PRELID2: variants seen among roughly 807,000 people sequenced by gnomAD.
The protein encoded by PRELID2 is PRELI domain containing 2, also known as PRELI domain-containing protein 2.
In PRELID2, 25 loss-of-function variants were observed where a neutral mutation model predicts 28.4. The observed-to-expected ratio is 0.88, with a 90% CI of 0.64 to 1.23. PRELID2 has a LOEUF of 1.23. Ranked by LOEUF, PRELID2 falls within the 50% of genes most tolerant of loss-of-function variation. The pLI is 0.00. For synonymous variants in PRELID2, 76 were observed against 71.6 expected, an observed-to-expected ratio of 1.06 and a Z score of -0.31; for missense variants, 201 against 214.4, an observed-to-expected ratio of 0.94 and a Z score of 0.39.
the PRELID2 span, among the ~76,000 whole-genome samples, chr5:145,332,637 C>T: frequency 6.6e-6 from 1 of 152,014 alleles, no homozygotes; most frequent in Non-Finnish European, 1.5e-5. Flanking sequence ...ATGTTCTTCT[C>T]TAAACTGGTT....
At chr5:145,530,655 A>G (rs1274296579) in intron 1 of PRELID2, among the ~76,000 whole-genome samples, 2 of 152,074 alleles carry the variant, frequency 1.3e-5, no homozygotes, top group African/African-American at 4.8e-5. Context: ...ACCAAACAGT[A>G]GGCTAAGAAA....
the PRELID2 span, among the ~76,000 whole-genome samples, chr5:145,387,392 A>G: frequency 6.6e-6 from 1 of 152,134 alleles, no homozygotes; most frequent in Admixed American, 6.6e-5. Context: ...AGTATGCCAG[A>G]AGAAGTGAGG....
intron 1 of PRELID2, among the ~76,000 whole-genome samples, chr5:145,832,541 T>C (rs1396342984): frequency 1.3e-5 from 2 of 152,152 alleles, no homozygotes; most frequent in Non-Finnish European, 2.9e-5. Flanking sequence ...GTGCCTATTA[T>C]ATGCAATGCA....
At chr5:145,671,518 T>C (rs1304478334) in intron 1 of PRELID2, among the ~76,000 whole-genome samples, 1 of 152,212 alleles carries the variant, frequency 6.6e-6, no homozygotes, top group African/African-American at 2.4e-5. Flanking sequence ...CAGTTTTGAA[T>C]GTTTGCATAT....
intron 5 of PRELID2, chr5:145,795,844 T>C (rs1017631902): frequency 2.6e-5 from 4 of 152,100 alleles, no homozygotes; most frequent in Non-Finnish European, 5.9e-5. Flanking sequence ...AGAGGACAGA[T>C]TAAAATGGAA....
At chr5:145,724,966 C>T (rs1490600647) in intron 1 of PRELID2, among the ~76,000 whole-genome samples, 1 of 151,674 alleles carries the variant, frequency 6.6e-6, no homozygotes, top group Non-Finnish European at 1.5e-5. Flanking sequence ...TGGTCTCATA[C>T]TCCTGGACCA....
intron 4 of PRELID2, among the ~76,000 whole-genome samples, chr5:145,798,583 T>C (rs1282543578): frequency 6.6e-6 from 1 of 152,182 alleles, no homozygotes; most frequent in African/African-American, 2.4e-5. Flanking sequence ...CATATGCTTA[T>C]TGCAGCACTA....
intron 1 of PRELID2, among the ~76,000 whole-genome samples, chr5:145,619,385 C>T (rs901006476): frequency 1.7e-4 from 26 of 152,244 alleles, no homozygotes; most frequent in African/African-American, 6.0e-4. Flanking sequence ...TCCACTGCTT[C>T]CTCTACCCCT....
chr5:145,740,626 A>ATATATATT (rs1756655243), intron 1 of PRELID2, among the ~76,000 whole-genome samples: 1 of 14,450 alleles, frequency 6.9e-5, no homozygotes, highest in Admixed American at 1.4e-3. Context: ...ATATATATAT[A>ATATATATT]TTATATATAT....
chr5:145,711,602 G>A (rs1199228979), intron 1 of PRELID2, among the ~76,000 whole-genome samples: 1 of 152,148 alleles, frequency 6.6e-6, no homozygotes, highest in Non-Finnish European at 1.5e-5. Flanking sequence ...GGGACAGAGT[G>A]GAGAGCTGTG....
At chr5:145,658,070 G>T (rs1754426446) in intron 1 of PRELID2, among the ~76,000 whole-genome samples, 1 of 152,170 alleles carries the variant, frequency 6.6e-6, no homozygotes. Flanking sequence ...CCTCTTGTGT[G>T]CCTGGCAATG....
intron 5 of PRELID2, among the ~76,000 whole-genome samples, chr5:145,792,013 C>T (rs955233173): frequency 1.3e-5 from 2 of 152,126 alleles, no homozygotes; most frequent in African/African-American, 2.4e-5. Context: ...AGTAGCATGG[C>T]CGCATTCCTC....
chr5:145,478,305 T>A (rs773370597), intron 1 of PRELID2, among the ~76,000 whole-genome samples: 1 of 152,072 alleles, frequency 6.6e-6, no homozygotes, highest in Non-Finnish European at 1.5e-5. Context: ...CCCAGCACTT[T>A]GGGAGGCAGA....
the PRELID2 span, among the ~76,000 whole-genome samples, chr5:145,294,561 CTG>C: frequency 6.6e-6 from 1 of 152,130 alleles, no homozygotes; most frequent in Non-Finnish European, 1.5e-5. Context: ...ACAATAAGGG[CTG>C]TGTTTCCTAT....
chr5:145,524,784 G>C (rs1350922585), intron 1 of PRELID2, among the ~76,000 whole-genome samples: 1 of 152,162 alleles, frequency 6.6e-6, no homozygotes, highest in Non-Finnish European at 1.5e-5. Context: ...CATAGGATTT[G>C]AGCAGCAATT....
At chr5:145,316,664 C>T in the PRELID2 span, among the ~76,000 whole-genome samples, 1 of 152,110 alleles carries the variant, frequency 6.6e-6, no homozygotes, top group East Asian at 1.9e-4. Context: ...TGAACTTAGG[C>T]CTAGATCTGA....
chr5:145,800,370 C>T (rs573921406), intron 4 of PRELID2, among the ~76,000 whole-genome samples: 6 of 151,298 alleles, frequency 4.0e-5, no homozygotes, highest in South Asian at 2.1e-4. Context: ...AAATACCTTC[C>T]GTCTAAGCAG....
At chr5:145,569,053 G>A (rs887651937) in intron 1 of PRELID2, among the ~76,000 whole-genome samples, 1 of 152,158 alleles carries the variant, frequency 6.6e-6, no homozygotes, top group African/African-American at 2.4e-5. Context: ...TTTTACAAAG[G>A]TTATCAATTA....
intron 1 of PRELID2, among the ~76,000 whole-genome samples, chr5:145,645,111 G>A (rs1042813410): frequency 3.3e-5 from 5 of 152,062 alleles, no homozygotes; most frequent in Non-Finnish European, 7.4e-5. Flanking sequence ...TATTGACAGT[G>A]GGGTGTTAAA....
Sources: gnomAD v4.1 joint callset for allele counts (sites outside exome capture counted in the v4.1 genomes callset) on GRCh38, gnomAD v4.1.1 for gene constraint, MANE v1.5 for transcripts, NCBI Gene and HGNC (gene_info 2026-07-23, HGNC 2026-07-21) for gene names.